Variants in ESRRG observed in about 807,000 individuals in gnomAD.
ESRRG encodes estrogen related receptor gamma.
In ESRRG, 13 loss-of-function variants were observed where a neutral mutation model predicts 44.0. The ratio of observed to expected loss-of-function variants is 0.30; its 90% CI spans 0.19 to 0.47. ESRRG has a LOEUF of 0.47. ESRRG is among the 20% of genes least tolerant of loss of function. The pLI is 1.00. For synonymous variants in ESRRG, 215 were observed against 214.6 expected (o/e 1.00, Z -0.02); for missense variants, 395 against 580.6 (o/e 0.68, Z 3.29).
At chr1:216,976,573 A>G (rs1333276901) in intron 1 of ESRRG, among the ~76,000 whole-genome samples, 2 of 152,166 alleles carry the variant, frequency 1.3e-5, no homozygotes, top group Non-Finnish European at 2.9e-5. Context: ...TCAAAGCGAT[A>G]TCCTTCAATG....
intron 2 of ESRRG, among the ~76,000 whole-genome samples, chr1:216,813,115 G>A (rs994405673): frequency 2.6e-5 from 4 of 152,134 alleles, no homozygotes; most frequent in Admixed American, 1.3e-4. Context: ...AACAGATCTC[G>A]TGAGCTGTGA....
chr1:216,594,036 A>C (rs1278792694), intron 3 of ESRRG, among the ~76,000 whole-genome samples: 1 of 152,174 alleles, frequency 6.6e-6, no homozygotes, highest in African/African-American at 2.4e-5. Context: ...AATAGTATGA[A>C]TTCTGAAACT....
At chr1:216,552,459 G>A (rs934112960) in intron 5 of ESRRG, among the ~76,000 whole-genome samples, 13 of 152,148 alleles carry the variant, frequency 8.5e-5, no homozygotes, top group African/African-American at 3.1e-4. Flanking sequence ...ATAAGTGAAT[G>A]TGCAAGTAAA....
At chr1:216,581,008 G>A (rs866316002) in intron 3 of ESRRG, among the ~76,000 whole-genome samples, 15 of 152,174 alleles carry the variant, frequency 9.9e-5, no homozygotes, top group African/African-American at 3.4e-4. Context: ...AATGTCTGTT[G>A]CACATCACTA....
At chr1:216,917,792 G>T (rs2061372719) in intron 2 of ESRRG, among the ~76,000 whole-genome samples, 1 of 152,172 alleles carries the variant, frequency 6.6e-6, no homozygotes, top group South Asian at 2.1e-4. Context: ...TAGACAGATT[G>T]AGCTATTTCA....
intron 5 of ESRRG, among the ~76,000 whole-genome samples, chr1:216,545,701 T>C (rs1442657893): frequency 6.6e-6 from 1 of 152,078 alleles, no homozygotes; most frequent in Non-Finnish European, 1.5e-5. Context: ...TACAATGGCC[T>C]CTTTCTCCCC....
chr1:216,754,031 G>A (rs2152309873), intron 2 of ESRRG, among the ~76,000 whole-genome samples: 1 of 152,112 alleles, frequency 6.6e-6, no homozygotes, highest in East Asian at 1.9e-4. Flanking sequence ...GCTGCTCTCA[G>A]GCCTTTTGTC....
At chr1:216,748,608 G>A (rs543632100) in intron 2 of ESRRG, among the ~76,000 whole-genome samples, 1 of 152,194 alleles carries the variant, frequency 6.6e-6, no homozygotes, top group African/African-American at 2.4e-5. Flanking sequence ...GTTTGCTCAA[G>A]TTACACAAGT....
Position 217,053,133 on chromosome 1 carries a change from T to TAAAAAAAAAAAAAAAAAAAAA in ESRRG, c.-106+36373_-106+36374insTTTTTTTTTTTTTTTTTTTTT, listed in dbSNP as rs71303007. On this transcript the variant is annotated intron_variant, in intron 1 of 7. Transcript: ENST00000359162. ...GAGGTAACATAGCAAAATCCCATCT[T>TAAAAAAAAAAAAAAAAAAAAA]AAAAAAAAAAAAAAAAAAAACAGAA... 1.1e-3 allele frequency among the ~76,000 whole-genome samples: 134 copies of TAAAAAAAAAAAAAAAAAAAAA among 118,980 alleles called. 1 individual carries two copies. Among genetic ancestry groups the TAAAAAAAAAAAAAAAAAAAAA allele is most frequent in the Middle Eastern group, 4.5e-3 (1 of 224 alleles). 78.1% of individuals were successfully genotyped at this position (118,980 alleles called of 152,430 possible). A position where few individuals can be genotyped will look rare whatever the true frequency, so the allele number is the denominator to read the frequency against.
chr1:216,805,437 A>T (rs928392541), intron 2 of ESRRG: 2 of 152,194 alleles, frequency 1.3e-5, no homozygotes, highest in Non-Finnish European at 2.9e-5. Flanking sequence ...TCTTACTTGG[A>T]AAAGAGCTCT....
chr1:216,814,115 A>G (rs1236365660), intron 2 of ESRRG, among the ~76,000 whole-genome samples: 9 of 136,538 alleles, frequency 6.6e-5, no homozygotes, highest in Non-Finnish European at 1.1e-4. Context: ...GTCCTTGGTC[A>G]TGGGAAAAAA....
chr1:216,743,241 C>T (rs975500268), intron 2 of ESRRG, among the ~76,000 whole-genome samples: 1 of 152,086 alleles, frequency 6.6e-6, no homozygotes, highest in Non-Finnish European at 1.5e-5. Context: ...CTGAGAAAAG[C>T]CATTGAGTAG....
chr1:216,851,982 G>C (rs955629868), intron 2 of ESRRG, among the ~76,000 whole-genome samples: 1 of 151,990 alleles, frequency 6.6e-6, no homozygotes, highest in East Asian at 1.9e-4. Context: ...CTTTGACAAA[G>C]AGCCCTTAGA....
chr1:216,761,940 A>G (rs1205720401), intron 2 of ESRRG, among the ~76,000 whole-genome samples: 4 of 152,180 alleles, frequency 2.6e-5, no homozygotes, highest in Non-Finnish European at 5.9e-5. Flanking sequence ...ACTCTCAAGT[A>G]CTACGATAAT....
rs183273533 is a variant in ESRRG at position 216,801,288 on chromosome 1, C to A, written c.-13-123797G>T. Among the ~76,000 whole-genome samples, 836 of 152,218 alleles carry A rather than the reference C, an allele frequency of 5.5e-3. 3 individuals carry two copies. Among genetic ancestry groups the A allele is most frequent in the Non-Finnish European group, 8.9e-3 (604 of 68,006 alleles). ...CTTGCTATGTTGTCCAGGCTGGACT[C>A]GAACCCCTGTCTTCAAGTAATCCTC... On this transcript the variant is annotated intron_variant, in intron 2 of 7. Coordinates refer to the ESRRG transcript ENST00000359162.
chr1:216,853,078 A>T (rs2095865949), intron 2 of ESRRG, among the ~76,000 whole-genome samples: 1 of 152,236 alleles, frequency 6.6e-6, no homozygotes. Flanking sequence ...TCTACATGTT[A>T]GTCAAGGACA....
Position 216,651,007 on chromosome 1 carries a change from G to A in ESRRG, c.555C>T (p.Phe185=), listed in dbSNP as rs1335089332. The stretch of plus-strand genomic sequence containing the variant: ...GCATGCCCACTTTTAAACACTTCAT[G>A]AAGCGGCAAGCCTGGCAGGATTTAC... ...RRRKSCQACR[F]MKCLKVGMLK... is the part of the protein sequence containing the mutation. The change falls in exon 3 of 7, where the codon TTC becomes TTT. Residue 185 remains phenylalanine, a synonymous_variant. Coordinates refer to ENST00000408911, the MANE Select transcript of ESRRG (RefSeq NM_001438.4). The A allele has an allele frequency of 1.9e-6, 3 of 1,612,782 alleles. No individual in the cohort carries two copies. In the African/African-American group the frequency reaches 4.0e-5, roughly 22 times the overall value.
intron 2 of ESRRG, among the ~76,000 whole-genome samples, chr1:216,751,710 A>ATAACCTGTCCC (rs199774035): frequency 0.01 from 1,553 of 152,262 alleles, 28 homozygotes; most frequent in African/African-American, 0.032. Flanking sequence ...GCCTCCCTAG[A>ATAACCTGTCCC]TAACCTGTCC....
chr1:216,595,497 T>C (rs2058301162), intron 3 of ESRRG, among the ~76,000 whole-genome samples: 1 of 152,220 alleles, frequency 6.6e-6, no homozygotes, highest in Non-Finnish European at 1.5e-5. Flanking sequence ...TTTAAACAAT[T>C]AAATATCAAA....
Sources: allele counts gnomAD v4.1 joint callset (sites outside exome capture counted in the v4.1 genomes callset), GRCh38; gene constraint gnomAD v4.1.1; transcripts MANE v1.5; gene names NCBI Gene and HGNC (gene_info 2026-07-23, HGNC 2026-07-21).